Variants in NCOA3 observed in about 807,000 individuals in gnomAD.
NCOA3 encodes the protein nuclear receptor coactivator 3, also known as CBP-interacting protein.
In NCOA3, 51 loss-of-function variants were observed where a neutral mutation model predicts 158.8. The observed-to-expected ratio is 0.32, with a 90% CI of 0.26 to 0.41. The LOEUF is 0.41. NCOA3 is among the 10% of genes least tolerant of loss of function. The pLI is 1.00. For synonymous variants in NCOA3, 537 were observed against 592.4 expected, an observed-to-expected ratio of 0.91 and a Z score of 1.36; for missense variants, 1,510 against 1,746.6, an observed-to-expected ratio of 0.86 and a Z score of 2.41.
chr20:47,594,167 G>T (rs1285504255), intron 2 of NCOA3, among the ~76,000 whole-genome samples: 1 of 152,116 alleles, frequency 6.6e-6, no homozygotes, highest in Admixed American at 6.5e-5. Context: ...GTTGCCAGAT[G>T]GGAACTAGGA....
chr20:47,616,996 C>G (rs2086150240), intron 2 of NCOA3, among the ~76,000 whole-genome samples: 1 of 152,076 alleles, frequency 6.6e-6, no homozygotes, highest in Admixed American at 6.6e-5. Flanking sequence ...ACTCTGTCAT[C>G]CAGGCTGGAG....
chr20:47,504,478 C>CT (rs58220390), intron 1 of NCOA3, among the ~76,000 whole-genome samples: 10,354 of 98,594 alleles, frequency 0.11, 642 homozygotes, highest in East Asian at 0.14. Context: ...CTAAGTGTGT[C>CT]TTTTTTTTTT....
intron 17 of NCOA3, 38 bp downstream of exon 17, chr20:47,642,422 T>A (rs1555816308): frequency 2.0e-6 from 3 of 1,512,158 alleles, no homozygotes; most frequent in Non-Finnish European, 2.7e-6. Context: ...GAGTGTATAT[T>A]TGTGTGTGTG....
intron 1 of NCOA3, among the ~76,000 whole-genome samples, chr20:47,507,701 C>A (rs1288013134): frequency 6.6e-6 from 1 of 152,140 alleles, no homozygotes; most frequent in Non-Finnish European, 1.5e-5. Flanking sequence ...TCACTGTAAC[C>A]TTTGCCTCCC....
intron 1 of NCOA3, among the ~76,000 whole-genome samples, chr20:47,529,377 C>T (rs2084509419): frequency 6.6e-6 from 1 of 151,902 alleles, no homozygotes; most frequent in African/African-American, 2.4e-5. Flanking sequence ...CCTTGGCCTC[C>T]CAACGTGCTA....
chr20:47,593,335 T>A (rs1018967810), intron 2 of NCOA3, among the ~76,000 whole-genome samples: 9 of 41,032 alleles, frequency 2.2e-4, no homozygotes, highest in Non-Finnish European at 3.5e-4. Context: ...AGTTGATGGA[T>A]TTTTTTTTTT....
At chr20:47,624,350 G>A (rs538530138) in intron 4 of NCOA3, among the ~76,000 whole-genome samples, 1 of 152,298 alleles carries the variant, frequency 6.6e-6, no homozygotes, top group Admixed American at 6.5e-5. Flanking sequence ...ATCCATCTGG[G>A]GGTAATGGGA....
intron 1 of NCOA3, among the ~76,000 whole-genome samples, chr20:47,535,821 T>C (rs1329926095): frequency 6.6e-6 from 1 of 152,002 alleles, no homozygotes; most frequent in African/African-American, 2.4e-5. Context: ...CAAGGTTTTA[T>C]TGAATGGTGG....
chr20:47,556,488 G>A (rs766627214), intron 1 of NCOA3, among the ~76,000 whole-genome samples: 8 of 152,128 alleles, frequency 5.3e-5, no homozygotes, highest in Non-Finnish European at 1.2e-4. Flanking sequence ...AGAAGGAAGG[G>A]TTAATGTGCA....
At chr20:47,588,563 T>C (rs1349696456) in intron 2 of NCOA3, among the ~76,000 whole-genome samples, 3 of 152,220 alleles carry the variant, frequency 2.0e-5, no homozygotes, top group Admixed American at 2.0e-4. Context: ...TTTTGTAATA[T>C]GTAGAATAAT....
At chr20:47,554,659 A>G (rs2084974170) in intron 1 of NCOA3, among the ~76,000 whole-genome samples, 1 of 152,028 alleles carries the variant, frequency 6.6e-6, no homozygotes, top group Non-Finnish European at 1.5e-5. Context: ...AGGGATGTGA[A>G]AGACCTCTTC....
chr20:47,556,027 C>T (rs1468215552), intron 1 of NCOA3, among the ~76,000 whole-genome samples: 3 of 150,684 alleles, frequency 2.0e-5, no homozygotes, highest in Non-Finnish European at 3.0e-5. Context: ...CTCTGCCTCC[C>T]GGATTCAAGC....
chr20:47,573,420 C>CA (rs5841702), intron 1 of NCOA3, among the ~76,000 whole-genome samples: 19,348 of 151,000 alleles, frequency 0.13, 1,697 homozygotes, highest in African/African-American at 0.24. Context: ...AACAAACAAA[C>CA]AAAAAAACAC....
chr20:47,634,890 C>T (rs912883047), intron 10 of NCOA3, among the ~76,000 whole-genome samples: 6 of 150,858 alleles, frequency 4.0e-5, no homozygotes, highest in African/African-American at 1.2e-4. Flanking sequence ...CCTTCTCTCT[C>T]CCTTCTTCCT....
At chr20:47,591,317 A>G (rs2085635315) in intron 2 of NCOA3, among the ~76,000 whole-genome samples, 1 of 152,244 alleles carries the variant, frequency 6.6e-6, no homozygotes, top group South Asian at 2.1e-4. Flanking sequence ...AAATTTAAAA[A>G]TGTTAGCTCA....
Position 47,655,572 on chromosome 20 carries a change from A to T in NCOA3, c.*2155A>T, listed in dbSNP as rs1306693206. ...TACCAAGTTCAAAATATATCTAAGAAAGATTGTAAATCCGAAAACTTCCAT... is the reference window on the plus strand; with the variant it reads ...TACCAAGTTCAAAATATATCTAAGATAGATTGTAAATCCGAAAACTTCCAT... On this transcript the variant is annotated 3_prime_UTR_variant, in exon 23 of 23. Coordinates refer to ENST00000371998, the MANE Select transcript of NCOA3 (RefSeq NM_181659.3). 4.6e-5 allele frequency: 7 copies of T among 152,624 alleles called. No individual in the cohort carries two copies. Among genetic ancestry groups the T allele is most frequent in the African/African-American group, 1.7e-4 (7 of 41,452 alleles). The allele number at this position is 152,624 out of a possible 1,614,324, so 9.5% of individuals were successfully genotyped here.
intron 1 of NCOA3, among the ~76,000 whole-genome samples, chr20:47,512,425 G>A (rs1212994079): frequency 2.6e-5 from 4 of 151,762 alleles, no homozygotes; most frequent in African/African-American, 9.7e-5. Context: ...AAAATTAGCC[G>A]GGCATGGTGG....
At chr20:47,616,805 G>A (rs769161923) in intron 2 of NCOA3, among the ~76,000 whole-genome samples, 6 of 152,152 alleles carry the variant, frequency 3.9e-5, no homozygotes, top group Non-Finnish European at 4.4e-5. Context: ...AAATATGGAT[G>A]CATCTCACAA....
At chr20:47,596,193 A>C (rs2085753092) in intron 2 of NCOA3, among the ~76,000 whole-genome samples, 1 of 152,186 alleles carries the variant, frequency 6.6e-6, no homozygotes, top group Non-Finnish European at 1.5e-5. Flanking sequence ...GTTAATAATT[A>C]ACTTCATTTA....
Sources: allele counts gnomAD v4.1 joint callset (sites outside exome capture counted in the v4.1 genomes callset), GRCh38; gene constraint gnomAD v4.1.1; transcripts MANE v1.5; gene names NCBI Gene and HGNC (gene_info 2026-07-23, HGNC 2026-07-21).